The following ARID1B variants were observed in gnomAD, a reference collection of about 807,000 sequenced individuals.
ARID1B encodes the protein AT-rich interaction domain 1B.
Under a neutral mutation model 212.3 loss-of-function variants are expected in ARID1B, and 30 were observed. The ratio of observed to expected loss-of-function variants is 0.14; its 90% CI spans 0.11 to 0.19. ARID1B has a LOEUF of 0.19. ARID1B is among the 10% of genes least tolerant of loss of function. The pLI is 1.00. For missense variants in ARID1B, 2,891 were observed against 3,204.0 expected, an observed-to-expected ratio of 0.90 and a Z score of 2.36; for synonymous variants, 1,402 against 1,301.7, an observed-to-expected ratio of 1.08 and a Z score of -1.66.
intron 11 of ARID1B, among the ~76,000 whole-genome samples, chr6:157,179,154 AT>A (rs1206584566): frequency 6.6e-6 from 1 of 152,056 alleles, no homozygotes; most frequent in African/African-American, 2.4e-5. Flanking sequence ...CGTTGGACCC[AT>A]TTTTTTAAGT....
At chr6:157,151,154 CTT>C (rs1302819170) in intron 8 of ARID1B, 3 of 152,414 alleles carry the variant, frequency 2.0e-5, no homozygotes, top group African/African-American at 7.2e-5. Flanking sequence ...GAAATAGAAA[CTT>C]TGATCTGTGT....
Position 157,133,166 on chromosome 6 carries a change from G to T in ARID1B, c.2720G>T (p.Ser907Ile), listed in dbSNP as rs1452330277. The change falls in exon 7 of 20, where the codon AGT (serine) becomes ATT (isoleucine). Residue 907 changes from serine to isoleucine, a missense_variant. Ser to Ile is a moderately radical substitution (Grantham distance 142, BLOSUM62 -2). Around this residue, in one of 7 missense-constraint regions of ARID1B, gnomAD observed 1,643 missense variants for 1,544.0 expected, o/e 1.06. Transcript: ENST00000636930. Reference sequence around the variant, plus strand: ...AGTAGCTTTCAGCAGAGTAACTCAAGTGGGACTTACGGTCCACAGATGAGC... The same window carrying T: ...AGTAGCTTTCAGCAGAGTAACTCAATTGGGACTTACGGTCCACAGATGAGC... ...GISSFQQSNS[S>I]GTYGPQMSQY... 1.9e-6 allele frequency: 3 copies of T among 1,613,962 alleles called. No homozygotes were observed. The highest frequency in any genetic ancestry group is 1.1e-5 in the South Asian group (1 of 91,022).
chr6:156,945,666 T>C (rs963680668), intron 4 of ARID1B, among the ~76,000 whole-genome samples: 2 of 152,198 alleles, frequency 1.3e-5, no homozygotes, highest in Admixed American at 1.3e-4. Flanking sequence ...AGTTTGGCTT[T>C]AGAATGGTAA....
intron 2 of ARID1B, among the ~76,000 whole-genome samples, chr6:156,838,277 A>G (rs191553966): frequency 1.3e-5 from 2 of 152,342 alleles, no homozygotes; most frequent in African/African-American, 4.8e-5. Context: ...TAGCAAAAAT[A>G]CGCAGGTATT....
At chr6:156,782,814 C>T (rs1401059313) in intron 1 of ARID1B, among the ~76,000 whole-genome samples, 1 of 152,008 alleles carries the variant, frequency 6.6e-6, no homozygotes, top group East Asian at 1.9e-4. Flanking sequence ...GTAACTGTGG[C>T]TAATGGAAAG....
At chr6:157,020,848 ACTTGAGTC>A (rs1397506954) in intron 4 of ARID1B, among the ~76,000 whole-genome samples, 17 of 152,282 alleles carry the variant, frequency 1.1e-4, no homozygotes, top group South Asian at 6.2e-4. Flanking sequence ...TGGCTGATCT[ACTTGAGTC>A]CTTAATTTTC....
At chr6:157,011,590 T>C (rs1303604895) in intron 4 of ARID1B, among the ~76,000 whole-genome samples, 1 of 152,248 alleles carries the variant, frequency 6.6e-6, no homozygotes, top group African/African-American at 2.4e-5. Context: ...TATGTTTTTA[T>C]GAACCACGGT....
At chr6:156,785,715 G>A (rs936300228) in intron 1 of ARID1B, among the ~76,000 whole-genome samples, 1 of 151,992 alleles carries the variant, frequency 6.6e-6, no homozygotes, top group Non-Finnish European at 1.5e-5. Context: ...TTTTAAAATT[G>A]TTAGCTGCTA....
chr6:156,792,002 A>G (rs906431030), intron 1 of ARID1B, among the ~76,000 whole-genome samples: 3 of 152,202 alleles, frequency 2.0e-5, no homozygotes, highest in Admixed American at 1.3e-4. Flanking sequence ...TGAGTCTTTC[A>G]AAAGCAGAAA....
At chr6:157,021,118 G>C (rs948500839) in intron 4 of ARID1B, among the ~76,000 whole-genome samples, 2 of 152,012 alleles carry the variant, frequency 1.3e-5, no homozygotes, top group African/African-American at 2.4e-5. Flanking sequence ...CCGCTTGAGA[G>C]AGGGGGATTT....
intron 4 of ARID1B, among the ~76,000 whole-genome samples, chr6:157,021,721 T>A (rs1022863721): frequency 6.6e-6 from 1 of 151,718 alleles, no homozygotes; most frequent in Non-Finnish European, 1.5e-5. Context: ...GCAGGCACCG[T>A]CCGCCCCGCG....
chr6:156,941,696 G>A (rs1334334678), intron 4 of ARID1B: 3 of 152,190 alleles, frequency 2.0e-5, no homozygotes, highest in African/African-American at 7.2e-5. Context: ...TAGGAAGCAG[G>A]AAGGTATGTC....
At chr6:156,959,808 G>A (rs927876734) in intron 4 of ARID1B, among the ~76,000 whole-genome samples, 12 of 151,934 alleles carry the variant, frequency 7.9e-5, no homozygotes, top group South Asian at 6.2e-4. Flanking sequence ...GCTGCCTTTC[G>A]ATCCGTGGTG....
At chr6:156,950,688 T>C (rs2128304858) in intron 4 of ARID1B, among the ~76,000 whole-genome samples, 1 of 152,300 alleles carries the variant, frequency 6.6e-6, no homozygotes, top group Non-Finnish European at 1.5e-5. Context: ...AAACTATTCA[T>C]AAGATCTAGT....
intron 4 of ARID1B, chr6:156,935,816 C>T (rs972628229): frequency 4.2e-5 from 17 of 408,288 alleles, no homozygotes; most frequent in African/African-American, 1.6e-4. Context: ...AGGTTTTATG[C>T]GGCTGGTCGA....
rs76851250 is a variant in ARID1B at position 156,953,238 on chromosome 6, C to T, written c.2247+17662C>T. Among the ~76,000 whole-genome samples, 878 of 152,300 alleles carry T rather than the reference C, an allele frequency of 5.8e-3. 13 individuals are homozygous for T. Among genetic ancestry groups the T allele is most frequent in the African/African-American group, 0.02 (842 of 41,578 alleles). On this transcript the variant is annotated intron_variant, in intron 4 of 19. Transcript: ENST00000636930. Reference sequence around the variant, plus strand: ...GCAAAGCTCCAAGTGCTAGAATGGACGGCTGCCCTCTGCAGCTTCAACACA... The same window carrying T: ...GCAAAGCTCCAAGTGCTAGAATGGATGGCTGCCCTCTGCAGCTTCAACACA...
chr6:157,046,809 TATGGCCAG>T (rs1298773914), intron 4 of ARID1B, among the ~76,000 whole-genome samples: 1 of 152,236 alleles, frequency 6.6e-6, no homozygotes, highest in Non-Finnish European at 1.5e-5. Flanking sequence ...TTAGAGCTGC[TATGGCCAG>T]TTACTTTTCA....
chr6:156,871,554 G>A, intron 2 of ARID1B: 4 of 1,483,288 alleles, frequency 2.7e-6, no homozygotes, highest in Non-Finnish European at 3.7e-6. Context: ...GGGCCAAGAT[G>A]GGAATCCTGG....
At chr6:156,814,140 G>T (rs1354127591) in intron 1 of ARID1B, among the ~76,000 whole-genome samples, 1 of 152,172 alleles carries the variant, frequency 6.6e-6, no homozygotes, top group Admixed American at 6.5e-5. Context: ...AATACATCTG[G>T]AGTGGTGGCT....
Sources: gnomAD v4.1 joint callset for allele counts (sites outside exome capture counted in the v4.1 genomes callset) on GRCh38, gnomAD v4.1.1 for gene constraint, gnomAD v4.1.1 regional missense constraint, MANE v1.5 for transcripts, NCBI Gene and HGNC (gene_info 2026-07-23, HGNC 2026-07-21) for gene names.